The following FOXK2 variants were observed in gnomAD, a reference collection of about 807,000 sequenced individuals.
FOXK2 encodes forkhead box protein K2.
Under a neutral mutation model 53.3 loss-of-function variants are expected in FOXK2, and 24 were observed. The observed-to-expected ratio is 0.45, with a 90% CI of 0.33 to 0.63. The LOEUF (loss-of-function observed/expected upper bound fraction) is 0.63, where lower values mean the gene tolerates loss of function less well. FOXK2 is among the 30% of genes least tolerant of loss of function. The pLI is 0.03. For missense variants in FOXK2, 952 were observed against 910.5 expected (o/e 1.05, Z -0.59); for synonymous variants, 505 against 407.1 (o/e 1.24, Z -2.89).
At chr17:82,558,590 T>C (rs1483437217) in intron 1 of FOXK2, among the ~76,000 whole-genome samples, 4 of 152,228 alleles carry the variant, frequency 2.6e-5, no homozygotes, top group Non-Finnish European at 5.9e-5. Context: ...CCTCTTTCCC[T>C]GTTGGAATTG....
intron 4 of FOXK2, 108 bp downstream of exon 4, chr17:82,571,978 G>A: frequency 8.9e-7 from 1 of 1,125,970 alleles, no homozygotes; most frequent in South Asian, 1.9e-5. Flanking sequence ...AGAAGGGGGG[G>A]TTGGAGCCTC....
chr17:82,564,960 C>T (rs894627801), intron 2 of FOXK2, among the ~76,000 whole-genome samples: 1 of 151,724 alleles, frequency 6.6e-6, no homozygotes, highest in African/African-American at 2.4e-5. Context: ...GAAATCCTGA[C>T]CTCAGGTGAT....
At chr17:82,579,322 TAGAA>T (rs997335009) in intron 4 of FOXK2, among the ~76,000 whole-genome samples, 5 of 152,192 alleles carry the variant, frequency 3.3e-5, no homozygotes, top group African/African-American at 1.2e-4. Context: ...GAGGAATTGA[TAGAA>T]AGATTGGGCG....
intron 1 of FOXK2, among the ~76,000 whole-genome samples, chr17:82,521,607 TC>T (rs1244688524): frequency 6.6e-6 from 1 of 151,768 alleles, no homozygotes; most frequent in African/African-American, 2.4e-5. Context: ...ACCAGCATAT[TC>T]CTTAAACTTT....
chr17:82,573,691 G>T (rs1368210707), intron 4 of FOXK2, among the ~76,000 whole-genome samples: 8 of 152,188 alleles, frequency 5.3e-5, no homozygotes, highest in Non-Finnish European at 1.2e-4. Flanking sequence ...AGCTTGCTCT[G>T]TGGGAGTGTG....
intron 4 of FOXK2, among the ~76,000 whole-genome samples, chr17:82,573,087 A>G (rs554521131): frequency 1.6e-3 from 247 of 152,200 alleles, no homozygotes; most frequent in African/African-American, 5.9e-3. Context: ...CAGCTACTCC[A>G]GAGGCTGAGG....
chr17:82,543,129 G>C (rs1467280926), intron 1 of FOXK2, among the ~76,000 whole-genome samples: 1 of 152,174 alleles, frequency 6.6e-6, no homozygotes, highest in Non-Finnish European at 1.5e-5. Context: ...TTCCCACGTG[G>C]GGGTTTCGTT....
Position 82,571,857 on chromosome 17 carries a change from A to G in FOXK2, c.896A>G (p.Asp299Gly). The stretch of plus-strand genomic sequence containing the variant: ...AATTATCCCTACTACAGGACTGCGG[A>G]CAAGGGCTGGCAGGTAAATGCCTTC... ...TKNYPYYRTA[D>G]KGWQNSIRHN... Residue 299 changes from aspartate (D) to glycine (G), a missense_variant, in exon 4 of 9, where the codon GAC becomes GGC. Coordinates refer to ENST00000335255, the MANE Select transcript of FOXK2 (RefSeq NM_004514.4). 6.4e-7 allele frequency: 1 copy of G among 1,571,716 alleles called. No homozygotes were observed. The highest frequency in any genetic ancestry group is 8.6e-7 in the Non-Finnish European group (1 of 1,163,498).
intron 8 of FOXK2, 174 bp downstream of exon 8, chr17:82,587,446 C>T (rs968796682): frequency 1.4e-5 from 9 of 632,824 alleles, no homozygotes; most frequent in South Asian, 5.5e-5. Context: ...TGGAGTCGGC[C>T]GTCATGGGAT....
At chr17:82,560,904 G>GT (rs1376385649) in intron 1 of FOXK2, among the ~76,000 whole-genome samples, 1 of 152,048 alleles carries the variant, frequency 6.6e-6, no homozygotes, top group Non-Finnish European at 1.5e-5. Context: ...AGGCTGCAGT[G>GT]GGTCAGTGAT....
intron 4 of FOXK2, 144 bp downstream of exon 4, chr17:82,572,014 G>T: frequency 1.4e-6 from 1 of 712,932 alleles, no homozygotes; most frequent in Non-Finnish European, 2.1e-6. Flanking sequence ...GAGGAGTTGG[G>T]GGCCGGTGCT....
At chr17:82,547,709 G>A (rs1011856053) in intron 1 of FOXK2, among the ~76,000 whole-genome samples, 16 of 151,970 alleles carry the variant, frequency 1.1e-4, no homozygotes, top group Admixed American at 7.2e-4. Flanking sequence ...CCATGTAGCC[G>A]AAATCACAAT....
In FOXK2 at chr17:82,519,975, G is replaced by C. The variant is rs1599872621; in HGVS notation, c.87G>C (p.Gly29=). 1 of 1,251,026 alleles carries C rather than the reference G, an allele frequency of 8.0e-7. No homozygotes were observed. The allele number at this position is 1,251,026 out of a possible 1,614,324, so 77.5% of individuals were successfully genotyped here. The change falls in exon 1 of 9, where the codon GGG becomes GGC. Residue 29 remains glycine (G), a synonymous_variant. Coordinates refer to ENST00000335255, the MANE Select transcript of FOXK2 (RefSeq NM_004514.4). The part of the protein sequence containing the change: ...GAGGGGAGGG[G]SPPGGWAVAR... ...GGGGCGGCGGGGCCGGGGGCGGCGGGTCCCCGCCGGGCGGCTGGGCCGTGG... is the reference window on the plus strand; with the variant it reads ...GGGGCGGCGGGGCCGGGGGCGGCGGCTCCCCGCCGGGCGGCTGGGCCGTGG...
chr17:82,534,911 T>TG (rs2044505988), intron 1 of FOXK2, among the ~76,000 whole-genome samples: 2 of 152,356 alleles, frequency 1.3e-5, no homozygotes, highest in South Asian at 4.1e-4. Context: ...GGCAGGTTCT[T>TG]GCTCTGTCGC....
chr17:82,539,503 G>A (rs2044553843), intron 1 of FOXK2, among the ~76,000 whole-genome samples: 1 of 151,982 alleles, frequency 6.6e-6, no homozygotes, highest in Non-Finnish European at 1.5e-5. Context: ...GAAACAATTA[G>A]CTCTGTATGG....
Position 82,584,181 on chromosome 17 carries a change from C to T in FOXK2, c.1272C>T (p.Ser424=), listed in dbSNP as rs534392014. ...AVIQEARFAQ[S]APGSPLSSQP... is the part of the protein sequence containing the mutation. Reference sequence around the variant, plus strand: ...TCCAGGAAGCCCGGTTTGCCCAGAGCGCCCCAGGTGAGACAGCGGGAGAGG... The same window carrying T: ...TCCAGGAAGCCCGGTTTGCCCAGAGTGCCCCAGGTGAGACAGCGGGAGAGG... Residue 424 remains serine, a synonymous_variant, in exon 6 of 9, where the codon AGC becomes AGT. Transcript: ENST00000335255. 2.0e-5 allele frequency: 32 copies of T among 1,599,748 alleles called. No individual in the cohort carries two copies. The highest frequency in any genetic ancestry group is 5.6e-5 in the South Asian group (5 of 90,056).
chr17:82,601,226 C>G, intron 8 of FOXK2, 77 bp from the exon 9 acceptor site: 1 of 1,472,090 alleles, frequency 6.8e-7, no homozygotes, highest in South Asian at 1.3e-5. Flanking sequence ...CGCGAGGGTT[C>G]ACGTGAGAGC....
At chr17:82,600,630 A>T (rs932348239) in intron 8 of FOXK2, 1 of 152,274 alleles carries the variant, frequency 6.6e-6, no homozygotes, top group East Asian at 1.9e-4. Context: ...AACATTACCC[A>T]TCGCATGTTA....
intron 1 of FOXK2, among the ~76,000 whole-genome samples, chr17:82,521,466 C>T (rs2044360712): frequency 6.6e-6 from 1 of 151,612 alleles, no homozygotes; most frequent in Non-Finnish European, 1.5e-5. Flanking sequence ...GCCACCGCGC[C>T]CGGCCTACAA....
Sources: gnomAD v4.1 joint callset for allele counts (sites outside exome capture counted in the v4.1 genomes callset) on GRCh38, gnomAD v4.1.1 for gene constraint, MANE v1.5 for transcripts, NCBI Gene and HGNC (gene_info 2026-07-23, HGNC 2026-07-21) for gene names.